FCRL2: variants seen among roughly 807,000 people sequenced by gnomAD.
FCRL2 encodes Fc receptor-like protein 2.
In FCRL2, 48 loss-of-function variants were observed where a neutral mutation model predicts 59.8. The ratio of observed to expected loss-of-function variants is 0.80; its 90% CI spans 0.64 to 1.02. The LOEUF (loss-of-function observed/expected upper bound fraction) is 1.02, where lower values mean the gene tolerates loss of function less well. Ranked by LOEUF, FCRL2 falls within the 50% of genes least tolerant of loss-of-function variation. The pLI is 0.00. For missense variants in FCRL2, 658 were observed against 597.3 expected, an observed-to-expected ratio of 1.10 and a Z score of -1.06; for synonymous variants, 251 against 229.5, an observed-to-expected ratio of 1.09 and a Z score of -0.85.
chr1:157,751,912 C>G (rs756833143), intron 7 of FCRL2, among the ~76,000 whole-genome samples: 111 of 152,298 alleles, frequency 7.3e-4, no homozygotes, highest in Middle Eastern at 3.4e-3. Context: ...CCTGGAGAGT[C>G]AGCTTTTTCA....
At chr1:157,747,114 G>A (rs186444308) in intron 10 of FCRL2, among the ~76,000 whole-genome samples, 8 of 152,246 alleles carry the variant, frequency 5.3e-5, no homozygotes, top group African/African-American at 1.2e-4. Context: ...CTAACAAAGC[G>A]CTTCCTTTCT....
intron 2 of FCRL2, among the ~76,000 whole-genome samples, chr1:157,772,618 G>C (rs1204705161): frequency 6.6e-6 from 1 of 152,188 alleles, no homozygotes; most frequent in African/African-American, 2.4e-5. Context: ...TAACCTAGTT[G>C]TGAAGAGCCA....
chr1:157,761,622 A>G (rs1649110477), intron 7 of FCRL2, among the ~76,000 whole-genome samples: 1 of 151,806 alleles, frequency 6.6e-6, no homozygotes, highest in African/African-American at 2.4e-5. Context: ...CAAAAGGCAC[A>G]CTTTTAAAAA....
intron 7 of FCRL2, among the ~76,000 whole-genome samples, chr1:157,758,616 GA>G (rs141349099): frequency 3.5e-4 from 10 of 28,308 alleles, no homozygotes; most frequent in African/African-American, 9.5e-4. Context: ...TGCAAAATTA[GA>G]AAAAAAAATC....
At chr1:157,775,993 G>T (rs1650380690) in intron 1 of FCRL2, among the ~76,000 whole-genome samples, 198 bp from the exon 2 acceptor site, 1 of 152,132 alleles carries the variant, frequency 6.6e-6, no homozygotes, top group Admixed American at 6.5e-5. Flanking sequence ...CAAAAGGCAA[G>T]TTGCAAACCC....
At chr1:157,764,310 C>T (rs1042895726) in intron 7 of FCRL2, among the ~76,000 whole-genome samples, 1 of 151,830 alleles carries the variant, frequency 6.6e-6, no homozygotes, top group African/African-American at 2.4e-5. Context: ...CACTTGAGCA[C>T]CCAAAATCAT....
At chr1:157,752,269 C>T (rs368490997) in intron 7 of FCRL2, among the ~76,000 whole-genome samples, 1 of 152,278 alleles carries the variant, frequency 6.6e-6, no homozygotes, top group Admixed American at 6.5e-5. Flanking sequence ...CTTTCCCGTG[C>T]TGTTCTCATG....
Position 157,767,297 on chromosome 1 carries a change from A to G in FCRL2, c.1096T>C (p.Tyr366His), listed in dbSNP as rs777721936. Residue 366 changes from tyrosine to histidine, a missense_variant, in exon 6 of 12, where the codon TAC (tyrosine) becomes CAC (histidine). Transcript: ENST00000361516. ...LSLTAEHSGNYSCEANNGLGA... is the reference protein window; with the variant it reads ...LSLTAEHSGNHSCEANNGLGA... The stretch of plus-strand genomic sequence containing the variant: ...AGGCCGTTGTTGGCCTCACAGGAGT[A>G]GTTTCCAGAATGTTCTGCAGTCAAA... The G allele has an allele frequency of 4.3e-6, 7 of 1,614,228 alleles. No individual in the cohort carries two copies. In the South Asian group the frequency reaches 6.6e-5, roughly 15 times the overall value.
At chr1:157,757,160 T>A (rs1453723793) in intron 7 of FCRL2, among the ~76,000 whole-genome samples, 2 of 152,220 alleles carry the variant, frequency 1.3e-5, no homozygotes, top group Admixed American at 1.3e-4. Context: ...CAATGGGACT[T>A]TTTGATCAAT....
At chr1:157,774,235 C>T (rs1650241441) in intron 2 of FCRL2, among the ~76,000 whole-genome samples, 1 of 152,190 alleles carries the variant, frequency 6.6e-6, no homozygotes. Context: ...AAGACCTTTT[C>T]AGCTGCTCTG....
intron 7 of FCRL2, 142 bp from the exon 8 acceptor site, chr1:157,749,819 AC>A: frequency 1.9e-6 from 1 of 540,170 alleles, no homozygotes; most frequent in Non-Finnish European, 3.3e-6. Context: ...CTAAATGGCT[AC>A]TTATTTATTC....
intron 10 of FCRL2, among the ~76,000 whole-genome samples, chr1:157,748,297 G>C (rs967324133): frequency 6.6e-6 from 1 of 152,064 alleles, no homozygotes; most frequent in Middle Eastern, 3.2e-3. Context: ...TCTCATCCCA[G>C]CTACTCAGGA....
rs58239785 is a variant in FCRL2, at chr1:157,748,441, CAAATAAATAAAT to C, written c.1459+100_1459+111del. 3.7e-3 allele frequency: 1,313 copies of C among 355,836 alleles called. 53 individuals carry two copies. Among genetic ancestry groups the C allele is most frequent in the African/African-American group, 0.023 (1,019 of 45,070 alleles). The allele number at this position is 355,836 out of a possible 1,614,324, so 22.0% of individuals were successfully genotyped here. ...CCTCAAAAGTAGATAGATAGATAGA[CAAATAAATAAAT>C]AAATAAATAAATAAATAAATAAATA... On this transcript the variant is annotated intron_variant, in intron 10 of 11. Coordinates refer to ENST00000361516, the MANE Select transcript of FCRL2 (RefSeq NM_030764.4).
chr1:157,746,973 G>A, intron 10 of FCRL2, 74 bp from the exon 11 acceptor site: 1 of 1,493,808 alleles, frequency 6.7e-7, no homozygotes, highest in Non-Finnish European at 9.2e-7. Context: ...TTATGCCCCA[G>A]GGCATAGAAC....
chr1:157,746,733 G>A lies in FCRL2; in HGVS notation c.*3C>T, dbSNP rs771480997. 5.0e-6 allele frequency: 8 copies of A among 1,613,292 alleles called. No individual in the cohort carries two copies. The East Asian group carries it at 1.8e-4, about 36-fold the overall frequency. On this transcript the variant is annotated 3_prime_UTR_variant, in exon 12 of 12. Coordinates refer to ENST00000361516, the MANE Select transcript of FCRL2 (RefSeq NM_030764.4). Reference sequence around the variant, plus strand: ...TGATCTTCCCTTCTGATTCCTCCAAGTGTTATGATTTCTTCACAGAAGAGT... The same window carrying A: ...TGATCTTCCCTTCTGATTCCTCCAAATGTTATGATTTCTTCACAGAAGAGT...
At chr1:157,768,828 T>C in intron 4 of FCRL2, 127 bp from the exon 5 acceptor site, 1 of 910,882 alleles carries the variant, frequency 1.1e-6, no homozygotes, top group Non-Finnish European at 1.6e-6. Context: ...TTATAAGCAT[T>C]CCTATGGAGG....
chr1:157,748,681 C>A (rs1402059131), intron 9 of FCRL2, 63 bp from the exon 10 acceptor site: 5 of 1,394,396 alleles, frequency 3.6e-6, no homozygotes, highest in African/African-American at 1.4e-5. Flanking sequence ...TCATACACAG[C>A]TTCCCAGGCC....
At chr1:157,751,141 A>G (rs1187522315) in intron 7 of FCRL2, among the ~76,000 whole-genome samples, 1 of 152,216 alleles carries the variant, frequency 6.6e-6, no homozygotes, top group Non-Finnish European at 1.5e-5. Context: ...ATAGAAGGCA[A>G]TAACTAACAA....
At chr1:157,769,151 C>T (rs759541332) in intron 4 of FCRL2, 1 of 156,024 alleles carries the variant, frequency 6.4e-6, no homozygotes, top group Non-Finnish European at 1.4e-5. Context: ...TCATTCACAT[C>T]TACTTTTCCT....
Sources: gnomAD v4.1 joint callset for allele counts (sites outside exome capture counted in the v4.1 genomes callset) on GRCh38, gnomAD v4.1.1 for gene constraint, MANE v1.5 for transcripts, NCBI Gene and HGNC (gene_info 2026-07-23, HGNC 2026-07-21) for gene names.